ADAM19: variants seen among roughly 807,000 people sequenced by gnomAD.
ADAM19 encodes ADAM metallopeptidase domain 19.
Under a neutral mutation model 114.7 loss-of-function variants are expected in ADAM19, and 65 were observed. The ratio of observed to expected loss-of-function variants is 0.57; its 90% CI spans 0.46 to 0.70. The LOEUF (loss-of-function observed/expected upper bound fraction) is 0.70, where lower values mean the gene tolerates loss of function less well. Among genes scored for constraint, ADAM19 ranks in the 30% least tolerant of loss-of-function variants. ADAM19 has a pLI of 0.00. For missense variants in ADAM19, 1,063 were observed against 1,204.7 expected (o/e 0.88, Z 1.74); for synonymous variants, 466 against 460.5 (o/e 1.01, Z -0.15).
chr5:157,508,270 G>C lies in ADAM19; in HGVS notation c.905+1031C>G, dbSNP rs112108316. On this transcript the variant is annotated intron_variant, in intron 9 of 22. Transcript: ENST00000257527. ...AGTTTCTTTAAAAGGATAAGCCAAA[G>C]TTTAAATGATTATTAACTCAGCTAT... Among the ~76,000 whole-genome samples the C allele has an allele frequency of 9.1e-4, 139 of 152,322 alleles. 1 individual carries two copies. The highest frequency in any genetic ancestry group is 3.2e-3 in the African/African-American group (131 of 41,572).
At chr5:157,515,779 A>AGGCCTG (rs1413532852) in intron 7 of ADAM19, among the ~76,000 whole-genome samples, 2 of 152,176 alleles carry the variant, frequency 1.3e-5, no homozygotes, top group African/African-American at 4.8e-5. Flanking sequence ...AGTCCTTTAC[A>AGGCCTG]GGCCTGTGTT....
At chr5:157,498,688 G>GTGTATATATATA (rs143445264) in intron 13 of ADAM19, among the ~76,000 whole-genome samples, 7 of 143,882 alleles carry the variant, frequency 4.9e-5, no homozygotes, top group East Asian at 2.2e-4. Context: ...ATGTGTGTAT[G>GTGTATATATATA]TATATATATA....
chr5:157,497,175 A>G (rs1269244889), intron 13 of ADAM19, 86 bp from the exon 14 acceptor site: 9 of 1,203,102 alleles, frequency 7.5e-6, no homozygotes, highest in Non-Finnish European at 8.7e-6. Flanking sequence ...GATCACTCTC[A>G]TAGAACAGAA....
chr5:157,573,245 T>G (rs2113804398), intron 1 of ADAM19, among the ~76,000 whole-genome samples: 1 of 152,256 alleles, frequency 6.6e-6, no homozygotes, highest in East Asian at 1.9e-4. Context: ...AACTTGGAAA[T>G]AAGGCAAGAG....
At chr5:157,508,578 T>C (rs1383256640) in intron 9 of ADAM19, among the ~76,000 whole-genome samples, 1 of 150,896 alleles carries the variant, frequency 6.6e-6, no homozygotes, top group Non-Finnish European at 1.5e-5. Flanking sequence ...CCAGCCTAGG[T>C]GACAGACGGA....
intron 7 of ADAM19, 105 bp from the exon 8 acceptor site, chr5:157,513,610 C>A: frequency 9.8e-7 from 1 of 1,024,498 alleles, no homozygotes; most frequent in East Asian, 2.4e-5. Context: ...CTTCTGTCTT[C>A]TATGAGCCAT....
Position 157,478,290 on chromosome 5 carries a change from CA to C in ADAM19, c.*2658del, listed in dbSNP as rs36056270. On this transcript the variant is annotated 3_prime_UTR_variant, in exon 23 of 23. Transcript: ENST00000257527. Reference sequence around the variant, plus strand: ...CAGCAAACAGCCCCTCCCCTGGAGACAAAAAAAAAAAAAAAAAAAAAAAGGC... The same window carrying C: ...CAGCAAACAGCCCCTCCCCTGGAGACAAAAAAAAAAAAAAAAAAAAAAGGC... 0.23 allele frequency: 15,768 copies of C among 68,726 alleles called. 614 individuals are homozygous for C. The highest frequency in any genetic ancestry group is 0.26 in the Non-Finnish European group (9,475 of 35,924). The allele number at this position is 68,726 out of a possible 1,614,324, so 4.3% of individuals were successfully genotyped here.
intron 5 of ADAM19, among the ~76,000 whole-genome samples, chr5:157,528,486 C>T (rs900060867): frequency 1.3e-5 from 2 of 152,166 alleles, no homozygotes; most frequent in African/African-American, 4.8e-5. Flanking sequence ...CTGCAGGTGG[C>T]GGTGGCTGGG....
Position 157,481,958 on chromosome 5 carries a change from A to G in ADAM19, c.2551-15T>C, listed in dbSNP as rs774844381. On this transcript the variant is annotated splice_polypyrimidine_tract_variant and intron_variant, in intron 21 of 22. Transcript: ENST00000257527. ...CTGGAGAAGTCCTGGAGAGAAAGCA[A>G]TAAGCCTCACTTGAAGGCCAGAGGC... is the stretch of plus-strand genomic sequence containing the variant. The G allele has an allele frequency of 3.8e-6, 6 of 1,570,524 alleles. No homozygotes were observed. Among genetic ancestry groups the G allele is most frequent in the Admixed American group, 3.8e-5 (2 of 52,658 alleles).
At chr5:157,513,374 A>C in intron 8 of ADAM19, 60 bp downstream of exon 8, 1 of 1,528,666 alleles carries the variant, frequency 6.5e-7, no homozygotes, top group East Asian at 2.3e-5. Context: ...AGGCAGCTCC[A>C]GTGCCCTTGG....
intron 2 of ADAM19, among the ~76,000 whole-genome samples, chr5:157,567,283 C>T (rs928988385): frequency 3.3e-5 from 5 of 152,196 alleles, no homozygotes; most frequent in African/African-American, 1.2e-4. Flanking sequence ...TACTTCATCT[C>T]AAGAAGGAAC....
intron 1 of ADAM19, chr5:157,572,172 G>C (rs1757847521): frequency 2.8e-6 from 1 of 361,048 alleles, no homozygotes; most frequent in South Asian, 2.1e-5. Flanking sequence ...TGCAAGCTCC[G>C]CCTTCCGGGT....
chr5:157,572,211 G>A (rs984804682), intron 1 of ADAM19: 29 of 441,276 alleles, frequency 6.6e-5, no homozygotes, highest in Middle Eastern at 4.4e-4. Flanking sequence ...TCAGCCTCCC[G>A]AGTAGCTGGG....
At chr5:157,531,985 G>A (rs939602607) in intron 4 of ADAM19, among the ~76,000 whole-genome samples, 1 of 152,172 alleles carries the variant, frequency 6.6e-6, no homozygotes, top group African/African-American at 2.4e-5. Flanking sequence ...AAATTCTACT[G>A]TTTTAAACCT....
Position 157,523,836 on chromosome 5 carries a change from C to G in ADAM19, c.408-3805G>C, listed in dbSNP as rs1391857241. Among the ~76,000 whole-genome samples the G allele has an allele frequency of 5.3e-5, 8 of 152,348 alleles. No homozygotes were observed. The East Asian group carries it at 1.5e-3, about 29-fold the overall frequency. On this transcript the variant is annotated intron_variant, in intron 5 of 22. Coordinates refer to ENST00000257527, the MANE Select transcript of ADAM19 (RefSeq NM_033274.5). ...AGCCACACTCAGGAACTTTGGCCTA[C>G]AGACCACCCTCTGTAGCAGGCACCT...
chr5:157,495,247 C>T (rs900453858), intron 14 of ADAM19, among the ~76,000 whole-genome samples: 2 of 152,042 alleles, frequency 1.3e-5, no homozygotes, highest in Non-Finnish European at 2.9e-5. Flanking sequence ...ATGATCCCCC[C>T]GCCTCGGCCT....
intron 3 of ADAM19, among the ~76,000 whole-genome samples, chr5:157,559,162 C>G (rs1326383441): frequency 6.6e-6 from 1 of 150,970 alleles, no homozygotes; most frequent in Non-Finnish European, 1.5e-5. Flanking sequence ...GACATACTCA[C>G]AAAAGAAAAC....
intron 21 of ADAM19, among the ~76,000 whole-genome samples, chr5:157,484,709 C>T (rs1427930979): frequency 6.6e-6 from 1 of 152,186 alleles, no homozygotes; most frequent in African/African-American, 2.4e-5. Context: ...ACAACCCGCC[C>T]CCTTCACCAC....
At chr5:157,504,987 C>T (rs1274179100) in intron 11 of ADAM19, among the ~76,000 whole-genome samples, 6 of 151,820 alleles carry the variant, frequency 4.0e-5, no homozygotes, top group Non-Finnish European at 5.9e-5. Context: ...GGCATGGTGG[C>T]AGGCGCCTGT....
Sources: allele counts gnomAD v4.1 joint callset (sites outside exome capture counted in the v4.1 genomes callset), GRCh38; gene constraint gnomAD v4.1.1; transcripts MANE v1.5; gene names NCBI Gene and HGNC (gene_info 2026-07-23, HGNC 2026-07-21).